Variants in SLC9A4 observed in about 807,000 individuals in gnomAD.
The protein encoded by SLC9A4 is sodium/hydrogen exchanger 4.
Under a neutral mutation model 67.4 loss-of-function variants are expected in SLC9A4, and 63 were observed. The ratio of observed to expected loss-of-function variants is 0.93; its 90% CI spans 0.76 to 1.15. The LOEUF (loss-of-function observed/expected upper bound fraction) is 1.15, where lower values mean the gene tolerates loss of function less well. Ranked by LOEUF, SLC9A4 falls within the 50% of genes most tolerant of loss-of-function variation. The pLI is 0.00. For missense variants in SLC9A4, 1,089 were observed against 987.7 expected (o/e 1.10, Z -1.38); for synonymous variants, 393 against 367.2 (o/e 1.07, Z -0.80).
intron 1 of SLC9A4, among the ~76,000 whole-genome samples, chr2:102,475,035 C>T (rs1458023522): frequency 6.6e-6 from 1 of 152,122 alleles, no homozygotes; most frequent in African/African-American, 2.4e-5. Context: ...GTATAGGTGT[C>T]CCCTTTAGAC....
intron 11 of SLC9A4, among the ~76,000 whole-genome samples, chr2:102,531,124 G>T (rs375734666): frequency 2.0e-5 from 3 of 146,940 alleles, no homozygotes; most frequent in African/African-American, 7.6e-5. Context: ...GTGCAGTGGC[G>T]TGATCTCGGC....
At chr2:102,523,737 T>G (rs540040832) in intron 9 of SLC9A4, among the ~76,000 whole-genome samples, 2 of 152,302 alleles carry the variant, frequency 1.3e-5, no homozygotes, top group Non-Finnish European at 2.9e-5. Context: ...TCTCACACAC[T>G]TTGAATGAAG....
intron 8 of SLC9A4, among the ~76,000 whole-genome samples, chr2:102,517,917 T>A (rs1361943972): frequency 3.9e-5 from 6 of 152,212 alleles, no homozygotes; most frequent in Non-Finnish European, 1.5e-5. Context: ...GTTGACTTGA[T>A]ATAGAAATGA....
intron 8 of SLC9A4, among the ~76,000 whole-genome samples, chr2:102,515,857 G>A (rs1389582099): frequency 6.6e-6 from 1 of 151,962 alleles, no homozygotes; most frequent in Non-Finnish European, 1.5e-5. Flanking sequence ...ACCATACTCT[G>A]GTAGGGTCAT....
chr2:102,521,146 A>T (rs538843699), intron 9 of SLC9A4, among the ~76,000 whole-genome samples: 1 of 152,168 alleles, frequency 6.6e-6, no homozygotes, highest in African/African-American at 2.4e-5. Flanking sequence ...GCCAGAACCC[A>T]TAGGGTACCT....
chr2:102,478,885 C>G lies in SLC9A4; in HGVS notation c.303C>G (p.Cys101Trp). Residue 101 changes from cysteine to tryptophan, a missense_variant, in exon 2 of 12, where the codon TGC (cysteine) becomes TGG (tryptophan). Coordinates refer to ENST00000295269, the MANE Select transcript of SLC9A4 (RefSeq NM_001011552.4). ...HRLPGLMPES[C>W]LLILVGALVG... ...TGCCAGGCCTCATGCCAGAAAGCTG[C>G]CTCCTCATCCTGGTGGGGGCGCTGG... The G allele has an allele frequency of 1.2e-6, 2 of 1,614,168 alleles. No individual in the cohort carries two copies. The highest frequency in any genetic ancestry group is 2.2e-5 in the East Asian group (1 of 44,880).
intron 8 of SLC9A4, among the ~76,000 whole-genome samples, chr2:102,517,350 T>C (rs182284650): frequency 1.1e-3 from 165 of 152,312 alleles, no homozygotes; most frequent in African/African-American, 3.8e-3. Context: ...CAAGTCATAT[T>C]TGATATCTTG....
chr2:102,531,794 G>A (rs1674783590), intron 11 of SLC9A4, among the ~76,000 whole-genome samples: 1 of 152,156 alleles, frequency 6.6e-6, no homozygotes, highest in African/African-American at 2.4e-5. Flanking sequence ...TCTGAAAGGA[G>A]GGCATCCGGT....
chr2:102,505,559 G>A (rs1685034466), intron 4 of SLC9A4, 88 bp downstream of exon 4: 1 of 1,305,506 alleles, frequency 7.7e-7, no homozygotes, highest in Non-Finnish European at 1.1e-6. Flanking sequence ...CTGGAGGACT[G>A]AGTAGATGCT....
chr2:102,474,056 C>T (rs934553316), intron 1 of SLC9A4, 41 bp downstream of exon 1: 1 of 1,591,888 alleles, frequency 6.3e-7, no homozygotes, highest in Non-Finnish European at 8.6e-7. Context: ...TATCTTTTTA[C>T]ATAAGATAGT....
Position 102,503,506 on chromosome 2 carries a change from CTG to C in SLC9A4, c.781_782del (p.Val261ArgfsTer41). The C allele has an allele frequency of 1.2e-6, 2 of 1,614,086 alleles. No homozygotes were observed. The highest frequency in any genetic ancestry group is 8.5e-7 in the Non-Finnish European group (1 of 1,179,976). ...ATGCATAAATTTGAAGACATAGAAA[CTG>C]TCGACATTTTGGCTGGATGTGCCCG... On this transcript the variant is annotated frameshift_variant, in exon 3 of 12. Coordinates refer to ENST00000295269, the MANE Select transcript of SLC9A4 (RefSeq NM_001011552.4). LOFTEE classifies it high-confidence loss of function.
intron 2 of SLC9A4, among the ~76,000 whole-genome samples, chr2:102,494,262 G>A (rs1381122164): frequency 1.3e-5 from 2 of 151,778 alleles, no homozygotes; most frequent in Non-Finnish European, 2.9e-5. Flanking sequence ...TATTTTATAT[G>A]AACTGGTATA....
chr2:102,481,576 G>A (rs1024430737), intron 2 of SLC9A4, among the ~76,000 whole-genome samples: 25 of 151,750 alleles, frequency 1.6e-4, no homozygotes, highest in Admixed American at 1.0e-3. Flanking sequence ...CAAATGTTGC[G>A]TCTTGCTCAT....
chr2:102,532,404 C>G lies in SLC9A4; in HGVS notation c.2113C>G (p.Gln705Glu). The change falls in exon 12 of 12, where the codon CAA (glutamine) becomes GAA (glutamate). Residue 705 changes from glutamine (Q) to glutamate (E), a missense_variant. By Grantham distance (29) the Gln-to-Glu change is conservative. Coordinates refer to ENST00000295269, the MANE Select transcript of SLC9A4 (RefSeq NM_001011552.4). Reference sequence around the variant, plus strand: ...CTCTCGGATAGGGTCACTTCAGAAGCAAGAGGCACAAGAAATAATACCAAT... The same window carrying G: ...CTCTCGGATAGGGTCACTTCAGAAGGAAGAGGCACAAGAAATAATACCAAT... Reference protein sequence around the residue: ...ACSRIGSLQKQEAQEIIPMKS... With the variant: ...ACSRIGSLQKEEAQEIIPMKS... 1 of 1,614,200 alleles carries G rather than the reference C, an allele frequency of 6.2e-7. No homozygotes were observed. The highest frequency in any genetic ancestry group is 1.1e-5 in the South Asian group (1 of 91,080).
At chr2:102,504,068 T>C (rs1426907533) in intron 3 of SLC9A4, among the ~76,000 whole-genome samples, 1 of 152,202 alleles carries the variant, frequency 6.6e-6, no homozygotes, top group Non-Finnish European at 1.5e-5. Context: ...GTTTGTTTGT[T>C]TTGAGACAGA....
At chr2:102,528,064 G>A (rs1674701936) in intron 11 of SLC9A4, among the ~76,000 whole-genome samples, 1 of 152,110 alleles carries the variant, frequency 6.6e-6, no homozygotes, top group Non-Finnish European at 1.5e-5. Flanking sequence ...CTGGAATGCA[G>A]TGGAGCGATC....
Position 102,479,311 on chromosome 2 carries a change from TCATGTG to T in SLC9A4, c.720+11_720+16del. ...ATGATGGCATTACTGTGGTGAGATG[TCATGTG>T]CCCGCCCGGCTTCCGGGGGAGATGA... On this transcript the variant is annotated intron_variant, in intron 2 of 11. Transcript: ENST00000295269. 6.3e-7 allele frequency: 1 copy of T among 1,596,768 alleles called. No individual in the cohort carries two copies. The highest frequency in any genetic ancestry group is 1.7e-4 in the Middle Eastern group (1 of 6,030).
At chr2:102,508,004 C>A in intron 4 of SLC9A4, 75 bp from the exon 5 acceptor site, 1 of 1,446,308 alleles carries the variant, frequency 6.9e-7, no homozygotes, top group Non-Finnish European at 9.7e-7. Context: ...CACGCGCACA[C>A]AACCTCAGTT....
intron 2 of SLC9A4, among the ~76,000 whole-genome samples, chr2:102,484,002 A>G (rs1684531746): frequency 1.3e-5 from 2 of 151,872 alleles, no homozygotes; most frequent in South Asian, 4.2e-4. Flanking sequence ...ATGTTTCTAA[A>G]ATTGCATAAA....
Sources: allele counts gnomAD v4.1 joint callset (sites outside exome capture counted in the v4.1 genomes callset), GRCh38; gene constraint gnomAD v4.1.1; transcripts MANE v1.5; gene names NCBI Gene and HGNC (gene_info 2026-07-23, HGNC 2026-07-21).